EXOC6B: variants seen among roughly 807,000 people sequenced by gnomAD.
EXOC6B encodes the protein exocyst complex component 6B.
EXOC6B carries 54 observed loss-of-function variants against 113.5 expected under a neutral mutation model. That is an observed-to-expected ratio of 0.48 (90% confidence interval 0.38 to 0.60). The LOEUF is 0.60. Ranked by LOEUF, EXOC6B falls within the 20% of genes least tolerant of loss-of-function variation. The pLI is 0.00. For synonymous variants in EXOC6B, 357 were observed against 339.0 expected, an observed-to-expected ratio of 1.05 and a Z score of -0.58; for missense variants, 797 against 977.5, an observed-to-expected ratio of 0.82 and a Z score of 2.46.
chr2:72,269,979 G>A (rs1684384602), intron 20 of EXOC6B, among the ~76,000 whole-genome samples: 1 of 152,122 alleles, frequency 6.6e-6, no homozygotes, highest in Non-Finnish European at 1.5e-5. Context: ...AATAGGGGAT[G>A]TGAAGAGGTG....
chr2:72,562,689 A>G (rs1558798829), intron 7 of EXOC6B, among the ~76,000 whole-genome samples: 1 of 152,164 alleles, frequency 6.6e-6, no homozygotes, highest in Non-Finnish European at 1.5e-5. Flanking sequence ...TATAACTGAT[A>G]AGAGATAACT....
At chr2:72,385,879 TGGA>T (rs1277272902) in intron 18 of EXOC6B, among the ~76,000 whole-genome samples, 1 of 152,148 alleles carries the variant, frequency 6.6e-6, no homozygotes, top group East Asian at 1.9e-4. Context: ...GGTGAGAATG[TGGA>T]GAAGAGGGAA....
At chr2:72,227,919 T>C (rs948844410) in intron 20 of EXOC6B, among the ~76,000 whole-genome samples, 1 of 152,168 alleles carries the variant, frequency 6.6e-6, no homozygotes, top group African/African-American at 2.4e-5. Flanking sequence ...GGCTTCCTAA[T>C]GTTATTCACC....
chr2:72,196,229 G>C (rs1022815125), intron 20 of EXOC6B, among the ~76,000 whole-genome samples: 2 of 152,138 alleles, frequency 1.3e-5, no homozygotes, highest in African/African-American at 2.4e-5. Flanking sequence ...AAGAAACATA[G>C]TTGTAGAAAA....
chr2:72,691,461 A>G lies in EXOC6B; in HGVS notation c.669+26642T>C, dbSNP rs568342888. Among the ~76,000 whole-genome samples the G allele has an allele frequency of 9.9e-5, 15 of 152,274 alleles. No individual in the cohort carries two copies. The East Asian group carries it at 2.7e-3, about 27-fold the overall frequency. ...GAGGGACCAAAATTTAAAAGAAAAA[A>G]TCTGAACACACAACATAGTTTAGCT... On this transcript the variant is annotated intron_variant, in intron 6 of 21. Coordinates refer to ENST00000272427, the MANE Select transcript of EXOC6B (RefSeq NM_015189.3).
intron 20 of EXOC6B, among the ~76,000 whole-genome samples, chr2:72,323,223 A>T (rs544449577): frequency 1.3e-5 from 2 of 152,234 alleles, no homozygotes; most frequent in Non-Finnish European, 2.9e-5. Flanking sequence ...GCCAACAAAC[A>T]TATGAAAAAA....
At chr2:72,538,407 A>C (rs1222114938) in intron 8 of EXOC6B, among the ~76,000 whole-genome samples, 3 of 152,226 alleles carry the variant, frequency 2.0e-5, no homozygotes, top group Non-Finnish European at 4.4e-5. Flanking sequence ...TCTGGTAACC[A>C]CAGTAAAAAA....
intron 20 of EXOC6B, among the ~76,000 whole-genome samples, chr2:72,320,101 T>C (rs1687763713): frequency 6.6e-6 from 1 of 151,788 alleles, no homozygotes; most frequent in Admixed American, 6.6e-5. Flanking sequence ...TCCCAAAGTG[T>C]TGGGATTACA....
chr2:72,660,148 G>A (rs1674901311), intron 6 of EXOC6B, among the ~76,000 whole-genome samples: 1 of 149,630 alleles, frequency 6.7e-6, no homozygotes, highest in African/African-American at 2.5e-5. Context: ...ACTAAATAGG[G>A]AGTACTATCC....
chr2:72,405,102 T>C (rs940261147), intron 18 of EXOC6B, among the ~76,000 whole-genome samples: 1 of 152,100 alleles, frequency 6.6e-6, no homozygotes, highest in Non-Finnish European at 1.5e-5. Context: ...GAAGAAAGGG[T>C]ATCAGTGATG....
intron 6 of EXOC6B, among the ~76,000 whole-genome samples, chr2:72,594,658 A>G (rs1669952183): frequency 6.6e-6 from 1 of 152,230 alleles, no homozygotes; most frequent in Non-Finnish European, 1.5e-5. Context: ...GATCATAACA[A>G]GAAGCTAAAT....
rs200230650 is a variant in EXOC6B, at chr2:72,481,244, TA to T, written c.1666-495del. Among the ~76,000 whole-genome samples, 418 of 152,342 alleles carry T rather than the reference TA, an allele frequency of 2.7e-3. 3 individuals carry two copies. The highest frequency in any genetic ancestry group is 8.8e-3 in the African/African-American group (365 of 41,582). ...GTGAGTAAATTAAACCTCTTTCCTT[TA>T]TAAATTACCCAGCCTCGGGCAGTTC... On this transcript the variant is annotated intron_variant, in intron 16 of 21. Transcript: ENST00000272427.
chr2:72,654,370 T>C (rs1277649421), intron 6 of EXOC6B, among the ~76,000 whole-genome samples: 2 of 152,256 alleles, frequency 1.3e-5, no homozygotes, highest in African/African-American at 4.8e-5. Flanking sequence ...AAAAGGTGTA[T>C]ATATCAAATC....
At chr2:72,491,417 C>T (rs1327402631) in intron 16 of EXOC6B, among the ~76,000 whole-genome samples, 2 of 152,128 alleles carry the variant, frequency 1.3e-5, no homozygotes, top group African/African-American at 4.8e-5. Context: ...TCACCATAAT[C>T]CTTGACAGTG....
At chr2:72,722,338 G>A (rs1455645693) in intron 5 of EXOC6B, among the ~76,000 whole-genome samples, 2 of 151,980 alleles carry the variant, frequency 1.3e-5, no homozygotes, top group Non-Finnish European at 2.9e-5. Flanking sequence ...AAAGAAAAAA[G>A]ACTTATAGCT....
At chr2:72,806,558 T>A (rs1490617088) in intron 1 of EXOC6B, among the ~76,000 whole-genome samples, 1 of 152,244 alleles carries the variant, frequency 6.6e-6, no homozygotes, top group Non-Finnish European at 1.5e-5. Flanking sequence ...AGTAATGGGA[T>A]TGCTGGATCA....
At chr2:72,508,793 AAAAATAAAT>A (rs1700747318) in intron 11 of EXOC6B, among the ~76,000 whole-genome samples, 2 of 152,206 alleles carry the variant, frequency 1.3e-5, no homozygotes, top group Non-Finnish European at 1.5e-5. Flanking sequence ...ATAAATAAAT[AAAAATAAAT>A]AAAATAAATA....
At chr2:72,615,573 C>T (rs1291317289) in intron 6 of EXOC6B, among the ~76,000 whole-genome samples, 7 of 138,170 alleles carry the variant, frequency 5.1e-5, no homozygotes, top group East Asian at 2.4e-4. Flanking sequence ...ATCACGTTTG[C>T]GGTAATGCTG....
chr2:72,700,460 T>C (rs1342216720), intron 6 of EXOC6B, among the ~76,000 whole-genome samples: 2 of 152,224 alleles, frequency 1.3e-5, no homozygotes, highest in Non-Finnish European at 2.9e-5. Context: ...CCTCATTTTC[T>C]TCTCTGCTTA....
Sources: gnomAD v4.1 joint callset for allele counts (sites outside exome capture counted in the v4.1 genomes callset) on GRCh38, gnomAD v4.1.1 for gene constraint, MANE v1.5 for transcripts, NCBI Gene and HGNC (gene_info 2026-07-23, HGNC 2026-07-21) for gene names.